Variants in MYO1B observed in about 807,000 individuals in gnomAD.
MYO1B encodes myosin IB, also known as unconventional myosin-Ib.
Under a neutral mutation model 159.7 loss-of-function variants are expected in MYO1B, and 72 were observed. That is an observed-to-expected ratio of 0.45 (90% CI 0.37 to 0.55). The LOEUF is 0.55. MYO1B is among the 20% of genes least tolerant of loss of function. The pLI is 0.00. For missense variants in MYO1B, 1,062 were observed against 1,364.8 expected (o/e 0.78, Z 3.50); for synonymous variants, 468 against 473.8 (o/e 0.99, Z 0.16).
At position 191,296,111 on chromosome 2, in the gene MYO1B, A is replaced by G. The variant is rs775020430; in HGVS notation, c.136A>G (p.Thr46Ala). 1.0e-5 allele frequency: 16 copies of G among 1,557,392 alleles called. 1 individual carries two copies. Among genetic ancestry groups the G allele is most frequent in the African/African-American group, 1.4e-5 (1 of 73,594 alleles). Residue 46 changes from threonine (T) to alanine (A), a missense_variant and splice_region_variant, in exon 3 of 31, where the codon ACA (threonine) becomes GCA (alanine). By Grantham distance (58) the Thr-to-Ala change is moderately conservative (BLOSUM62 0). Coordinates refer to ENST00000392318, the MANE Select transcript of MYO1B (RefSeq NM_001130158.3). Reference sequence around the variant, plus strand: ...GCATGTTTTGTTCTTTCTTTTGCAGACATACATTGGAAGTGTGGTTATATC... The same window carrying G: ...GCATGTTTTGTTCTTTCTTTTGCAGGCATACATTGGAAGTGTGGTTATATC... ...KKRFDHSEIY[T>A]YIGSVVISVN...
chr2:191,408,177 G>C lies in MYO1B; in HGVS notation c.2619G>C (p.Thr873=), dbSNP rs763821120. ...CTGGAAAGAAAATCTATGAGTTTACGCTTCAGAGAATTGTAAGTTGACACT... is the reference window on the plus strand; with the variant it reads ...CTGGAAAGAAAATCTATGAGTTTACCCTTCAGAGAATTGTAAGTTGACACT... ...ANAGKKIYEF[T]LQRIVQKYFL... Residue 873 remains threonine, a synonymous_variant, in exon 25 of 31, where the codon ACG becomes ACC. Coordinates refer to ENST00000392318, the MANE Select transcript of MYO1B (RefSeq NM_001130158.3). 4.3e-6 allele frequency: 7 copies of C among 1,611,986 alleles called. No homozygotes were observed. Among genetic ancestry groups the C allele is most frequent in the Non-Finnish European group, 5.9e-6 (7 of 1,178,280 alleles).
At chr2:191,281,274 A>T (rs146585020) in intron 2 of MYO1B, among the ~76,000 whole-genome samples, 1 of 152,250 alleles carries the variant, frequency 6.6e-6, no homozygotes, top group Non-Finnish European at 1.5e-5. Flanking sequence ...TGGTCTTCGC[A>T]GTTAGGGCTT....
chr2:191,419,283 AT>A (rs1319559359), intron 30 of MYO1B, among the ~76,000 whole-genome samples: 2 of 151,634 alleles, frequency 1.3e-5, no homozygotes, highest in African/African-American at 4.9e-5. Flanking sequence ...CAGTGGCGTG[AT>A]CTCGGCTCAC....
chr2:191,393,746 A>G (rs1050364023), intron 20 of MYO1B, among the ~76,000 whole-genome samples: 2 of 152,230 alleles, frequency 1.3e-5, no homozygotes, highest in East Asian at 1.9e-4. Flanking sequence ...ATCTGGCTCT[A>G]TTAACTATAG....
At chr2:191,337,474 T>G (rs1691929923) in intron 4 of MYO1B, among the ~76,000 whole-genome samples, 1 of 152,192 alleles carries the variant, frequency 6.6e-6, no homozygotes, top group Admixed American at 6.5e-5. Flanking sequence ...ATCTAGATAT[T>G]CTGATCCAGA....
chr2:191,288,531 A>G (rs1228759262), intron 2 of MYO1B, among the ~76,000 whole-genome samples: 1 of 152,216 alleles, frequency 6.6e-6, no homozygotes, highest in Non-Finnish European at 1.5e-5. Flanking sequence ...TGTCTAGAGA[A>G]GTTAACTCTT....
At chr2:191,330,593 A>T (rs1691407602) in intron 4 of MYO1B, among the ~76,000 whole-genome samples, 1 of 152,160 alleles carries the variant, frequency 6.6e-6, no homozygotes, top group Non-Finnish European at 1.5e-5. Context: ...AATTCATATG[A>T]TTGGTGGTCT....
chr2:191,245,635 A>G lies in MYO1B; in HGVS notation c.-10+9A>G, dbSNP rs996287672. 5.9e-5 allele frequency: 9 copies of G among 151,816 alleles called. No homozygotes were observed. Among genetic ancestry groups the G allele is most frequent in the African/African-American group, 2.2e-4 (9 of 41,282 alleles). The allele number at this position is 151,816 out of a possible 1,614,324, so 9.4% of individuals were successfully genotyped here. On this transcript the variant is annotated intron_variant, in intron 1 of 30. Transcript: ENST00000392318. ...AGGTAGCGCCAGGCGAGGTAGCGCGAGCGCTTTCTCTCTCTCTCCCCTGCC... is the reference window on the plus strand; with the variant it reads ...AGGTAGCGCCAGGCGAGGTAGCGCGGGCGCTTTCTCTCTCTCTCCCCTGCC...
In MYO1B at chr2:191,423,899, A is replaced by T. The variant is rs761673124; in HGVS notation, c.3350A>T (p.Asn1117Ile). 1 of 1,613,906 alleles carries T rather than the reference A, an allele frequency of 6.2e-7. No individual in the cohort carries two copies. Among genetic ancestry groups the T allele is most frequent in the Non-Finnish European group, 8.5e-7 (1 of 1,179,928 alleles). Residue 1117 changes from asparagine to isoleucine, a missense_variant, in exon 31 of 31, where the codon AAT (asparagine) becomes ATT (isoleucine). By Grantham distance (149) the Asn-to-Ile change is moderately radical (BLOSUM62 -3). Transcript: ENST00000392318. ...AAGTTTATTCAGGGAAACCAGAAAA[A>T]TGGGAGTGTCCCAACATGTAAACGA... ...CVKFIQGNQK[N>I]GSVPTCKRKN...
At chr2:191,277,182 T>C (rs1390654468) in intron 2 of MYO1B, 152 bp downstream of exon 2, 8 of 928,448 alleles carry the variant, frequency 8.6e-6, no homozygotes, top group South Asian at 1.8e-5. Context: ...GAGTTTTTAC[T>C]GATTTAGCCC....
intron 3 of MYO1B, among the ~76,000 whole-genome samples, chr2:191,322,163 CT>C (rs1179993064): frequency 6.6e-6 from 1 of 152,154 alleles, no homozygotes; most frequent in African/African-American, 2.4e-5. Flanking sequence ...ACTTTCCCCC[CT>C]GTGGTGGTTT....
intron 3 of MYO1B, among the ~76,000 whole-genome samples, chr2:191,307,699 C>T (rs1292162429): frequency 6.6e-6 from 1 of 152,260 alleles, no homozygotes. Context: ...GAATGGGGTA[C>T]CCTGACTACT....
In MYO1B at chr2:191,332,012, G is replaced by T. The variant is rs1349286211; in HGVS notation, c.346+1983G>T. 2.0e-5 allele frequency among the ~76,000 whole-genome samples: 3 copies of T among 152,328 alleles called. No individual in the cohort carries two copies. The Middle Eastern group carries it at 0.01, about 518-fold the overall frequency. On this transcript the variant is annotated intron_variant, in intron 4 of 30. Transcript: ENST00000392318. ...AGTCTCGCTCTTATAGCCCTGGCTG[G>T]AGTGCAATGGCGCGATCTTGGCTCA...
chr2:191,273,152 T>C lies in MYO1B; in HGVS notation c.-9-3735T>C, dbSNP rs1291495600. On this transcript the variant is annotated intron_variant, in intron 1 of 30. Transcript: ENST00000392318. ...TTTTTCTTTTGAGACAGGGTCTCAC[T>C]CTGTTGCCCAAGCTGGAGTGCAGTG... Among the ~76,000 whole-genome samples the C allele has an allele frequency of 2.6e-5, 4 of 152,248 alleles. No individual in the cohort carries two copies. In the East Asian group the frequency reaches 7.7e-4, roughly 29 times the overall value.
chr2:191,260,973 T>C (rs970750681), intron 1 of MYO1B, among the ~76,000 whole-genome samples: 6 of 152,250 alleles, frequency 3.9e-5, no homozygotes, highest in African/African-American at 1.4e-4. Context: ...TTCATTCTTA[T>C]GATTGTCCAG....
intron 11 of MYO1B, among the ~76,000 whole-genome samples, chr2:191,367,762 A>T (rs1331192887): frequency 6.6e-6 from 1 of 152,216 alleles, no homozygotes; most frequent in Non-Finnish European, 1.5e-5. Flanking sequence ...ATAAGAAGAA[A>T]AAGGAAAGGA....
At chr2:191,271,503 CT>C (rs762912852) in intron 1 of MYO1B, among the ~76,000 whole-genome samples, 11 of 122,254 alleles carry the variant, frequency 9.0e-5, no homozygotes, top group Non-Finnish European at 1.8e-4. Context: ...GCAAGATCTT[CT>C]TTCTATTTAA....
At chr2:191,336,574 T>C (rs903686971) in intron 4 of MYO1B, among the ~76,000 whole-genome samples, 8 of 152,192 alleles carry the variant, frequency 5.3e-5, no homozygotes, top group African/African-American at 1.9e-4. Flanking sequence ...CAGTTGTGAC[T>C]TCCCTTGTAA....
chr2:191,344,784 C>A (rs947634840), intron 5 of MYO1B, among the ~76,000 whole-genome samples: 21 of 144,250 alleles, frequency 1.5e-4, no homozygotes, highest in African/African-American at 5.1e-4. Context: ...GAGCCGAGAT[C>A]CCGCCGCTGC....
Sources: allele counts gnomAD v4.1 joint callset (sites outside exome capture counted in the v4.1 genomes callset), GRCh38; gene constraint gnomAD v4.1.1; transcripts MANE v1.5; gene names NCBI Gene and HGNC (gene_info 2026-07-23, HGNC 2026-07-21).